The following LRRC49 variants were observed in gnomAD, a reference collection of about 807,000 sequenced individuals.
LRRC49 encodes the protein leucine-rich repeat-containing protein 49.
A neutral mutation model predicts 83.3 loss-of-function variants in LRRC49; 50 were observed. That is an observed-to-expected ratio of 0.60 (90% CI 0.48 to 0.76). LRRC49 has a LOEUF of 0.76. Ranked by LOEUF, LRRC49 falls within the 30% of genes least tolerant of loss-of-function variation. LRRC49 has a pLI of 0.00. For missense variants in LRRC49, 704 were observed against 809.1 expected (o/e 0.87, Z 1.58); for synonymous variants, 286 against 283.3 (o/e 1.01, Z -0.10).
chr15:70,950,657 T>G (rs189866294), intron 8 of LRRC49, among the ~76,000 whole-genome samples: 11 of 152,320 alleles, frequency 7.2e-5, no homozygotes, highest in Admixed American at 5.9e-4. Flanking sequence ...TTCTGGATAT[T>G]AGACCTTTGT....
chr15:71,028,380 C>T (rs148012668), intron 14 of LRRC49, among the ~76,000 whole-genome samples: 1 of 152,242 alleles, frequency 6.6e-6, no homozygotes, highest in East Asian at 1.9e-4. Flanking sequence ...TATCAATGTT[C>T]ATCATTGATA....
intron 11 of LRRC49, among the ~76,000 whole-genome samples, chr15:71,006,455 C>CG (rs1167482920): frequency 6.6e-6 from 1 of 152,104 alleles, no homozygotes; most frequent in African/African-American, 2.4e-5. Flanking sequence ...GGCCATCAGG[C>CG]GTCCCTATGT....
intron 1 of LRRC49, among the ~76,000 whole-genome samples, chr15:70,856,409 C>T (rs1200073484): frequency 1.3e-5 from 2 of 152,038 alleles, no homozygotes; most frequent in Non-Finnish European, 2.9e-5. Context: ...AATGGGTAGT[C>T]TGGCAGAGTA....
upstream of LRRC49, among the ~76,000 whole-genome samples, chr15:70,891,078 G>A (rs752154747): frequency 6.6e-5 from 10 of 152,094 alleles, no homozygotes; most frequent in Non-Finnish European, 1.0e-4. Flanking sequence ...AGACCCCTGA[G>A]GAAATTACTA....
intron 1 of LRRC49, among the ~76,000 whole-genome samples, chr15:70,863,743 A>G (rs1316862407): frequency 6.6e-6 from 1 of 152,136 alleles, no homozygotes; most frequent in Admixed American, 6.6e-5. Context: ...CTGCTACCCA[A>G]CCTCTGTGGT....
chr15:70,938,652 AACCTG>A (rs1275473533), intron 8 of LRRC49, among the ~76,000 whole-genome samples: 1 of 152,236 alleles, frequency 6.6e-6, no homozygotes, highest in African/African-American at 2.4e-5. Context: ...GCTGTCAGAT[AACCTG>A]TAGTGATAGC....
intron 3 of LRRC49, 77 bp downstream of exon 3, chr15:70,896,013 T>A: frequency 1.2e-6 from 1 of 817,374 alleles, no homozygotes; most frequent in South Asian, 1.9e-5. Context: ...GTTGAATTAC[T>A]AGATCCAAAT....
At chr15:70,969,995 C>T (rs977053495) in intron 9 of LRRC49, among the ~76,000 whole-genome samples, 6 of 152,088 alleles carry the variant, frequency 3.9e-5, no homozygotes, top group South Asian at 2.1e-4. Flanking sequence ...TTGCCCTGGC[C>T]GGAACTTCCA....
chr15:70,926,174 A>G (rs2035188222), intron 7 of LRRC49, among the ~76,000 whole-genome samples: 1 of 152,216 alleles, frequency 6.6e-6, no homozygotes, highest in Admixed American at 6.5e-5. Context: ...TTCTGTTCAC[A>G]GGCACATTGG....
intron 14 of LRRC49, 64 bp downstream of exon 14, chr15:71,012,977 C>T (rs1045452217): frequency 1.3e-5 from 13 of 986,122 alleles, no homozygotes; most frequent in African/African-American, 3.2e-5. Context: ...AAATAAATTC[C>T]ACATACCTCC....
chr15:70,900,947 A>G lies in LRRC49; in HGVS notation c.219A>G (p.Ser73=). 6.2e-7 allele frequency: 1 copy of G among 1,607,450 alleles called. No homozygotes were observed. The highest frequency in any genetic ancestry group is 8.5e-7 in the Non-Finnish European group (1 of 1,175,452). Residue 73 remains serine (S), a synonymous_variant, in exon 4 of 16, where the codon TCA becomes TCG. Coordinates refer to ENST00000260382, the MANE Select transcript of LRRC49 (RefSeq NM_017691.5). The part of the protein sequence containing the change: ...RQGDHINLVS[S]SLSSFPILQR... ...GTGATCATATTAATTTGGTGAGCTC[A>G]TCATTGTCATCATTTCCTATTCTTC...
intron 5 of LRRC49, among the ~76,000 whole-genome samples, chr15:70,910,966 G>A (rs1175197580): frequency 6.6e-6 from 1 of 152,162 alleles, no homozygotes; most frequent in African/African-American, 2.4e-5. Flanking sequence ...GAAGGGAAAG[G>A]TATTTTAAAT....
In LRRC49 at chr15:70,859,033, C is replaced by A. The variant is rs2032721315; in HGVS notation, c.-299+5564C>A. ...ACAACAAGTTTGCCTCCTTCATAGA[C>A]AAGGTATGGTTCCTGGAGCAGCAGA... is the stretch of plus-strand genomic sequence containing the variant. On this transcript the variant is annotated intron_variant, in intron 1 of 16. Transcript: ENST00000544974. The A allele has an allele frequency of 7.3e-6, 10 of 1,363,656 alleles. 1 individual carries two copies. The Middle Eastern group carries it at 9.0e-4, about 122-fold the overall frequency. 84.5% of individuals were successfully genotyped at this position (1,363,656 alleles called of 1,614,324 possible).
At chr15:71,009,710 A>C in intron 12 of LRRC49, 97 bp from the exon 13 acceptor site, 1 of 767,434 alleles carries the variant, frequency 1.3e-6, no homozygotes, top group Non-Finnish European at 2.1e-6. Flanking sequence ...TAAAGTTTAC[A>C]TATTTACCTG....
upstream of LRRC49, chr15:70,891,938 C>G (rs2033591499): frequency 3.1e-6 from 5 of 1,613,644 alleles, no homozygotes; most frequent in African/African-American, 1.3e-5. Flanking sequence ...GAGCTCTCCT[C>G]GCGTGTCCAG....
At chr15:70,872,383 C>A (rs1033964342) in intron 1 of LRRC49, among the ~76,000 whole-genome samples, 2 of 127,834 alleles carry the variant, frequency 1.6e-5, no homozygotes, top group East Asian at 4.8e-4. Flanking sequence ...AGGGAGACCG[C>A]GGAAAGTGGG....
chr15:71,034,672 G>A (rs2039464742), intron 14 of LRRC49, among the ~76,000 whole-genome samples: 1 of 151,102 alleles, frequency 6.6e-6, no homozygotes, highest in South Asian at 2.1e-4. Context: ...TTGTGGTATG[G>A]ATATGCCATG....
chr15:70,899,301 T>C (rs2033969790), intron 3 of LRRC49, among the ~76,000 whole-genome samples: 1 of 152,052 alleles, frequency 6.6e-6, no homozygotes, highest in South Asian at 2.1e-4. Context: ...TGCTTGGAGT[T>C]TTTCAATCTT....
chr15:70,922,968 A>G (rs1488543042), intron 7 of LRRC49, among the ~76,000 whole-genome samples: 6 of 152,048 alleles, frequency 3.9e-5, no homozygotes, highest in Non-Finnish European at 7.4e-5. Flanking sequence ...TTTGTGTTGG[A>G]TATTTCATAT....
Sources: allele counts gnomAD v4.1 joint callset (sites outside exome capture counted in the v4.1 genomes callset), GRCh38; gene constraint gnomAD v4.1.1; transcripts MANE v1.5; gene names NCBI Gene and HGNC (gene_info 2026-07-23, HGNC 2026-07-21).